The following MGMT variants were observed in gnomAD, a reference collection of about 807,000 sequenced individuals.
MGMT encodes O-6-methylguanine-DNA methyltransferase, also known as methylated-DNA--protein-cysteine methyltransferase.
A neutral mutation model predicts 15.9 loss-of-function variants in MGMT; 14 were observed. The observed-to-expected ratio is 0.88, with a 90% CI of 0.58 to 1.37. The LOEUF (loss-of-function observed/expected upper bound fraction) is 1.37, where lower values mean the gene tolerates loss of function less well. Among genes scored for constraint, MGMT ranks in the 40% most tolerant of loss-of-function variants. The pLI is 0.00. For missense variants in MGMT, 282 were observed against 268.1 expected (o/e 1.05, Z -0.36); for synonymous variants, 130 against 118.2 (o/e 1.10, Z -0.65).
chr10:129,478,241 C>T (rs1264284266), intron 1 of MGMT, among the ~76,000 whole-genome samples: 1 of 152,024 alleles, frequency 6.6e-6, no homozygotes. Context: ...TGATTTTTTC[C>T]CCCCCTCCAG....
At chr10:129,749,485 A>G (rs1848730147) in intron 3 of MGMT, among the ~76,000 whole-genome samples, 2 of 152,096 alleles carry the variant, frequency 1.3e-5, no homozygotes, top group Non-Finnish European at 1.5e-5. Context: ...ATAATATTCC[A>G]TTGTATGGAT....
At chr10:129,529,119 C>T (rs560322153) in intron 1 of MGMT, among the ~76,000 whole-genome samples, 53 of 150,284 alleles carry the variant, frequency 3.5e-4, no homozygotes, top group South Asian at 1.3e-3. Flanking sequence ...GGAGACAGAG[C>T]GGTAGAGCGG....
chr10:129,749,200 T>C (rs966175519), intron 3 of MGMT, among the ~76,000 whole-genome samples: 18 of 152,198 alleles, frequency 1.2e-4, no homozygotes, highest in African/African-American at 4.3e-4. Flanking sequence ...TGGCCTTTGA[T>C]AGATGTATGA....
chr10:129,711,187 CCTCTCTGGAACGAACAT>C (rs1848228960), intron 3 of MGMT, among the ~76,000 whole-genome samples: 1 of 152,232 alleles, frequency 6.6e-6, no homozygotes. Flanking sequence ...TTCCAGGATT[CCTCTCTGGAACGAACAT>C]GCTGTTTGTG....
intron 1 of MGMT, among the ~76,000 whole-genome samples, chr10:129,498,881 GC>G (rs1361393713): frequency 1.3e-5 from 2 of 152,164 alleles, no homozygotes; most frequent in African/African-American, 2.4e-5. Flanking sequence ...AGTAGGGGGA[GC>G]TAGGGGCTGT....
intron 2 of MGMT, among the ~76,000 whole-genome samples, chr10:129,545,121 G>C (rs1237913490): frequency 2.0e-5 from 3 of 152,208 alleles, no homozygotes; most frequent in African/African-American, 7.2e-5. Context: ...GAGAAATGGA[G>C]ATGGGGTGAG....
At chr10:129,476,214 A>T (rs1028717683) in intron 1 of MGMT, among the ~76,000 whole-genome samples, 7 of 152,126 alleles carry the variant, frequency 4.6e-5, no homozygotes, top group African/African-American at 1.7e-4. Context: ...TAATTAGAAC[A>T]TCTCCCAGAG....
chr10:129,576,548 T>A (rs1421674072), intron 2 of MGMT, among the ~76,000 whole-genome samples: 8 of 152,096 alleles, frequency 5.3e-5, no homozygotes, highest in Non-Finnish European at 7.4e-5. Context: ...AAATAATAAG[T>A]GCTATCTATG....
At chr10:129,723,660 A>G (rs995853717) in intron 3 of MGMT, among the ~76,000 whole-genome samples, 1 of 152,272 alleles carries the variant, frequency 6.6e-6, no homozygotes, top group Non-Finnish European at 1.5e-5. Context: ...TAAGAAGGGT[A>G]TATGAAGACT....
In MGMT at chr10:129,766,804, C is replaced by G. The variant is rs776229993; in HGVS notation, c.431C>G (p.Pro144Arg). Reference protein sequence around the residue: ...MRGNPVPILIPCHRVVCSSGA... With the variant: ...MRGNPVPILIRCHRVVCSSGA... ...GTCTTCCAGGTCCCCATCCTCATCC[C>G]GTGCCACAGAGTGGTCTGCAGCAGC... Residue 144 changes from proline to arginine, a missense_variant, in exon 5 of 5, where the codon CCG (proline) becomes CGG (arginine). Pro to Arg is a moderately radical substitution (Grantham distance 103). Coordinates refer to ENST00000651593, the MANE Select transcript of MGMT (RefSeq NM_002412.5). 6.8e-6 allele frequency: 11 copies of G among 1,612,866 alleles called. No individual in the cohort carries two copies. In the South Asian group the frequency reaches 1.2e-4, roughly 18 times the overall value.
intron 2 of MGMT, among the ~76,000 whole-genome samples, chr10:129,619,825 C>G (rs56707201): frequency 0.034 from 5,163 of 152,250 alleles, 226 homozygotes; most frequent in African/African-American, 0.098. Context: ...TTCCACTGCC[C>G]TTTTTTCCAT....
At chr10:129,564,963 T>C (rs1246384586) in intron 2 of MGMT, among the ~76,000 whole-genome samples, 6 of 152,102 alleles carry the variant, frequency 3.9e-5, no homozygotes, top group Non-Finnish European at 7.4e-5. Context: ...AAACAGGCTG[T>C]CACTCATCTG....
At chr10:129,586,240 A>G (rs1846616517) in intron 2 of MGMT, among the ~76,000 whole-genome samples, 1 of 152,178 alleles carries the variant, frequency 6.6e-6, no homozygotes, top group South Asian at 2.1e-4. Context: ...TCTCACATAT[A>G]CAGTTTGATA....
At chr10:129,576,943 A>G (rs1846490785) in intron 2 of MGMT, among the ~76,000 whole-genome samples, 1 of 152,216 alleles carries the variant, frequency 6.6e-6, no homozygotes, top group African/African-American at 2.4e-5. Context: ...CAGTTGCTTC[A>G]AAGAGAATAA....
intron 3 of MGMT, among the ~76,000 whole-genome samples, chr10:129,726,075 A>G (rs570880520): frequency 2.1e-4 from 32 of 151,730 alleles, no homozygotes; most frequent in African/African-American, 7.5e-4. Flanking sequence ...TCAGCTCCAG[A>G]CTCTCAGTGC....
intron 2 of MGMT, among the ~76,000 whole-genome samples, chr10:129,644,760 T>TC (rs1847367012): frequency 6.6e-6 from 1 of 152,232 alleles, no homozygotes; most frequent in African/African-American, 2.4e-5. Context: ...TGCCCGGTGC[T>TC]CCTGGACCGT....
intron 1 of MGMT, among the ~76,000 whole-genome samples, chr10:129,495,385 A>G (rs1845509869): frequency 6.6e-6 from 1 of 152,210 alleles, no homozygotes; most frequent in Non-Finnish European, 1.5e-5. Context: ...GTCACTTGGT[A>G]ATTAGGTGTT....
chr10:129,510,131 A>G (rs1425581653), intron 1 of MGMT, among the ~76,000 whole-genome samples: 1 of 152,212 alleles, frequency 6.6e-6, no homozygotes, highest in Non-Finnish European at 1.5e-5. Context: ...CCAGGACTCC[A>G]GGAGTTGCCA....
intron 3 of MGMT, among the ~76,000 whole-genome samples, chr10:129,719,582 C>T (rs1848344636): frequency 6.6e-6 from 1 of 152,190 alleles, no homozygotes; most frequent in Non-Finnish European, 1.5e-5. Context: ...TGCGTCCTCA[C>T]TAGGCCTTTC....
Sources: allele counts gnomAD v4.1 joint callset (sites outside exome capture counted in the v4.1 genomes callset), GRCh38; gene constraint gnomAD v4.1.1; transcripts MANE v1.5; gene names NCBI Gene and HGNC (gene_info 2026-07-23, HGNC 2026-07-21).